MLXIPL: variants seen among roughly 807,000 people sequenced by gnomAD.
MLXIPL encodes the protein carbohydrate-responsive element-binding protein.
Under a neutral mutation model 81.5 loss-of-function variants are expected in MLXIPL, and 49 were observed. That is an observed-to-expected ratio of 0.60 (90% CI 0.48 to 0.76). The LOEUF (loss-of-function observed/expected upper bound fraction) is 0.76, where lower values mean the gene tolerates loss of function less well. MLXIPL is among the 30% of genes least tolerant of loss of function. MLXIPL has a pLI of 0.00. For missense variants in MLXIPL, 1,053 were observed against 1,167.0 expected, an observed-to-expected ratio of 0.90 and a Z score of 1.42; for synonymous variants, 466 against 485.5, an observed-to-expected ratio of 0.96 and a Z score of 0.53.
At chr7:73,606,177 CT>C in intron 5 of MLXIPL, 66 bp from the exon 6 acceptor site, 3 of 1,495,108 alleles carry the variant, frequency 2.0e-6, no homozygotes, top group Middle Eastern at 1.7e-4. Flanking sequence ...CATATCACCC[CT>C]CTCCAGGGTC....
intron 5 of MLXIPL, 77 bp from the exon 6 acceptor site, chr7:73,606,188 C>T (rs1795269420): frequency 2.1e-6 from 3 of 1,445,058 alleles, no homozygotes; most frequent in Non-Finnish European, 1.9e-6. Context: ...TCTCCAGGGT[C>T]AAGTGGTCAG....
In MLXIPL at chr7:73,616,142, T is replaced by C. The variant is rs782458598; in HGVS notation, c.329A>G (p.Lys110Arg). ...KLVSPKWKNF[K>R]GLKLLCRDKI... ...GTCTCTGCAGAGCAGCTTGAGGCCT[T>C]TGAAATTCTTCCACTTGGGAGACAC... The change falls in exon 2 of 17, where the codon AAA becomes AGA. Residue 110 changes from lysine to arginine, a missense_variant. Physicochemically the swap from Lys to Arg is conservative, Grantham distance 26 (BLOSUM62 2). This residue lies in a region of MLXIPL where 226 missense variants were observed against 216.2 expected (regional missense o/e 1.05). Coordinates refer to ENST00000313375, the MANE Select transcript of MLXIPL (RefSeq NM_032951.3). 1.9e-6 allele frequency: 3 copies of C among 1,614,066 alleles called. No individual in the cohort carries two copies. The South Asian group carries it at 3.3e-5, about 18-fold the overall frequency.
At chr7:73,642,513 G>C in the MLXIPL span, among the ~76,000 whole-genome samples, 1 of 151,988 alleles carries the variant, frequency 6.6e-6, no homozygotes, top group Non-Finnish European at 1.5e-5. Flanking sequence ...CACCACCCCT[G>C]GCTAATTTAT....
Position 73,595,912 on chromosome 7 carries a change from C to T in MLXIPL, c.2116G>A (p.Glu706Lys), listed in dbSNP as rs782630756. The T allele has an allele frequency of 2.7e-5, 44 of 1,613,254 alleles. 2 individuals carry two copies. The East Asian group carries it at 5.3e-4, about 20-fold the overall frequency. Residue 706 changes from glutamate (E) to lysine (K), a missense_variant, in exon 14 of 17, where the codon GAG becomes AAG. Physicochemically the swap from Glu to Lys is moderately conservative, Grantham distance 56 (BLOSUM62 1). Around this residue, in one of 3 missense-constraint regions of MLXIPL, gnomAD observed 823 missense variants for 933.0 expected, o/e 0.88. Coordinates refer to ENST00000313375, the MANE Select transcript of MLXIPL (RefSeq NM_032951.3). ...GCCTCCTCCTGCAAGCCCGCACGCT[C>T]CTGCTGTAGCATAAGGATGTACTCA... is the stretch of plus-strand genomic sequence containing the variant. Reference protein sequence around the residue: ...TAEYILMLQQERAGLQEEAQQ... With the variant: ...TAEYILMLQQKRAGLQEEAQQ...
Position 73,596,012 on chromosome 7 carries a change from G to A in MLXIPL, c.2059-43C>T. 3 of 1,609,616 alleles carry A rather than the reference G, an allele frequency of 1.9e-6. No individual in the cohort carries two copies. The highest frequency in any genetic ancestry group is 1.7e-6 in the Non-Finnish European group (2 of 1,179,666). On this transcript the variant is annotated intron_variant, in intron 13 of 16. Coordinates refer to ENST00000313375, the MANE Select transcript of MLXIPL (RefSeq NM_032951.3). This position sits in a 1 kb window ranked among gnomAD's most constrained non-coding sequence, Gnocchi z 4.7. ...GGGGCTCAGGCAGGTGCTAGAGGCT[G>A]TACCCTGGGACCCACTGAGGCACTG...
At chr7:73,607,842 C>T (rs1261911215) in intron 2 of MLXIPL, among the ~76,000 whole-genome samples, 170 bp from the exon 3 acceptor site, 2 of 145,436 alleles carry the variant, frequency 1.4e-5, no homozygotes, top group Admixed American at 6.9e-5. Flanking sequence ...GCTCTAGCCT[C>T]CTAGATCTTC....
upstream of MLXIPL, among the ~76,000 whole-genome samples, chr7:73,625,495 G>A (rs797033863): frequency 3.9e-5 from 6 of 152,250 alleles, no homozygotes; most frequent in Middle Eastern, 3.4e-3. Flanking sequence ...GGTGGCTCTC[G>A]CCTTCAATCC....
At chr7:73,608,501 C>T (rs1194047337) in intron 2 of MLXIPL, among the ~76,000 whole-genome samples, 1 of 151,844 alleles carries the variant, frequency 6.6e-6, no homozygotes, top group Non-Finnish European at 1.5e-5. Flanking sequence ...GCAGGAGAAT[C>T]GCTTGAACCT....
At position 73,599,645 on chromosome 7, in the gene MLXIPL, G is replaced by A; in HGVS notation, c.952C>T (p.Pro318Ser). The change falls in exon 8 of 17, where the codon CCA becomes TCA. Residue 318 changes from proline to serine, a missense_variant. Physicochemically the swap from Pro to Ser is moderately conservative, Grantham distance 74. Transcript: ENST00000313375. ...ACGGGGCTGAAGCTGGGGGGCTCTG[G>A]GAAGTTTGAAGGCATGGGCGGCTGT... The part of the protein sequence containing the change: ...LPQPPMPSNF[P>S]EPPSFSPVVD... 1 of 1,609,140 alleles carries A rather than the reference G, an allele frequency of 6.2e-7. No homozygotes were observed. The highest frequency in any genetic ancestry group is 8.5e-7 in the Non-Finnish European group (1 of 1,177,478).
chr7:73,644,408 C>CAT, the MLXIPL span, among the ~76,000 whole-genome samples: 2 of 152,012 alleles, frequency 1.3e-5, no homozygotes, highest in South Asian at 2.1e-4. Context: ...CAGGGTTTTG[C>CAT]CATGTTGGCC....
chr7:73,641,981 T>C, the MLXIPL span, among the ~76,000 whole-genome samples: 3 of 152,106 alleles, frequency 2.0e-5, no homozygotes, highest in African/African-American at 7.2e-5. Flanking sequence ...TCACAAGTTA[T>C]GGGCTTATTC....
At chr7:73,628,909 C>G (rs1217517569), upstream of MLXIPL, among the ~76,000 whole-genome samples, 1 of 152,186 alleles carries the variant, frequency 6.6e-6, no homozygotes, top group Admixed American at 6.6e-5. Context: ...GCCTTCCAGT[C>G]TTGGTCCTCA....
rs1231429413 is a variant in MLXIPL, at chr7:73,624,521, C to T, written c.-29G>A. On this transcript the variant is annotated 5_prime_UTR_variant, in exon 1 of 17. Coordinates refer to ENST00000313375, the MANE Select transcript of MLXIPL (RefSeq NM_032951.3). ...TGTCGCCGCCGCAACCGCCTGGTCC[C>T]TGCTCCGCGCAGCGCGGGGAACAGC... The T allele has an allele frequency of 3.3e-6, 5 of 1,510,808 alleles. No homozygotes were observed. The highest frequency in any genetic ancestry group is 4.4e-6 in the Non-Finnish European group (5 of 1,136,768). 93.6% of individuals were successfully genotyped at this position (1,510,808 alleles called of 1,614,324 possible). A position where few individuals can be genotyped will look rare whatever the true frequency, so the allele number is the denominator to read the frequency against.
intron 7 of MLXIPL, among the ~76,000 whole-genome samples, chr7:73,602,070 A>ACCTGCCTG (rs1248654166): frequency 9.2e-5 from 8 of 87,292 alleles, no homozygotes; most frequent in South Asian, 3.7e-4. Flanking sequence ...CTTGCTGTCC[A>ACCTGCCTG]CCTGCCTGCC....
the MLXIPL span, among the ~76,000 whole-genome samples, chr7:73,635,733 T>C: frequency 1.3e-5 from 2 of 152,256 alleles, no homozygotes; most frequent in East Asian, 1.9e-4. Context: ...TCTCTATCTA[T>C]CCATTTCTTC....
the MLXIPL span, among the ~76,000 whole-genome samples, chr7:73,643,511 C>T: frequency 7.0e-6 from 1 of 143,360 alleles, no homozygotes; most frequent in South Asian, 2.2e-4. Context: ...GAGACTCCGT[C>T]TCAAAAAAAA....
intron 1 of MLXIPL, among the ~76,000 whole-genome samples, chr7:73,621,588 C>G (rs1796348766): frequency 6.6e-6 from 1 of 151,994 alleles, no homozygotes; most frequent in African/African-American, 2.4e-5. Flanking sequence ...GATGAAAACA[C>G]TGTCCCAGTT....
At chr7:73,598,125 C>G (rs1272371401) in intron 8 of MLXIPL, among the ~76,000 whole-genome samples, 1 of 151,996 alleles carries the variant, frequency 6.6e-6, no homozygotes, top group African/African-American at 2.4e-5. Flanking sequence ...ATTCCTTCAT[C>G]ATCCATCCAC....
chr7:73,643,625 C>T, the MLXIPL span, among the ~76,000 whole-genome samples: 1 of 152,070 alleles, frequency 6.6e-6, no homozygotes, highest in Non-Finnish European at 1.5e-5. Context: ...CCAAGTATGT[C>T]TTTCTGCTGG....
Sources: allele counts gnomAD v4.1 joint callset (sites outside exome capture counted in the v4.1 genomes callset), GRCh38; gene constraint gnomAD v4.1.1; regional missense constraint gnomAD v4.1.1; non-coding constraint Gnocchi (gnomAD v3.1); transcripts MANE v1.5; gene names NCBI Gene and HGNC (gene_info 2026-07-23, HGNC 2026-07-21).